GRIA4: variants seen among roughly 807,000 people sequenced by gnomAD.
GRIA4 encodes the protein glutamate ionotropic receptor AMPA type subunit 4.
In GRIA4, 34 loss-of-function variants were observed where a neutral mutation model predicts 104.0. The ratio of observed to expected loss-of-function variants is 0.33; its 90% CI spans 0.25 to 0.44. GRIA4 has a LOEUF of 0.44. Among genes scored for constraint, GRIA4 ranks in the 20% least tolerant of loss-of-function variants. The pLI is 1.00. For missense variants in GRIA4, 750 were observed against 1,096.5 expected (o/e 0.68, Z 4.46); for synonymous variants, 386 against 381.9 (o/e 1.01, Z -0.13).
chr11:105,808,577 C>T (rs1307232024), intron 4 of GRIA4, among the ~76,000 whole-genome samples: 1 of 151,842 alleles, frequency 6.6e-6, no homozygotes, highest in Non-Finnish European at 1.5e-5. Flanking sequence ...ATCCTCTTTC[C>T]CAAAAGTTGT....
chr11:105,920,939 G>C (rs1038216453), intron 11 of GRIA4, among the ~76,000 whole-genome samples: 3 of 151,974 alleles, frequency 2.0e-5, no homozygotes, highest in Non-Finnish European at 4.4e-5. Flanking sequence ...TTGTTTGTTT[G>C]TTTTCCTACT....
rs1045213891 is a variant in GRIA4 at position 105,709,070 on chromosome 11, T to C, written c.248-43911T>C. Among the ~76,000 whole-genome samples, 6 of 151,994 alleles carry C rather than the reference T, an allele frequency of 3.9e-5. No homozygotes were observed. The East Asian group carries it at 1.2e-3, about 29-fold the overall frequency. On this transcript the variant is annotated intron_variant, in intron 3 of 16. Transcript: ENST00000282499. ...CTGATTATATCTGAGGCAGGGAAAA[T>C]ATAAGATGATAAAGGACAATCTTGT... is the stretch of plus-strand genomic sequence containing the variant.
chr11:105,910,654 T>C, intron 10 of GRIA4, 109 bp downstream of exon 10: 1 of 645,680 alleles, frequency 1.5e-6, no homozygotes, highest in Non-Finnish European at 2.8e-6. Context: ...AATGGTGACA[T>C]GGGTGTTCTG....
intron 14 of GRIA4, among the ~76,000 whole-genome samples, chr11:105,967,779 G>A (rs745723645): frequency 6.6e-6 from 1 of 150,922 alleles, no homozygotes; most frequent in Non-Finnish European, 1.5e-5. Flanking sequence ...CACTCTAAAT[G>A]TTAATAATAC....
At chr11:105,907,886 G>C in intron 9 of GRIA4, among the ~76,000 whole-genome samples, 1 of 152,108 alleles carries the variant, frequency 6.6e-6, no homozygotes, top group African/African-American at 2.4e-5. Context: ...AGGTGGAGCT[G>C]CAGTAGAAAC....
intron 4 of GRIA4, among the ~76,000 whole-genome samples, chr11:105,772,931 G>A (rs1941276900): frequency 6.6e-6 from 1 of 152,036 alleles, no homozygotes; most frequent in Non-Finnish European, 1.5e-5. Flanking sequence ...AATAAGCTAA[G>A]CTTTAACTCA....
At chr11:105,788,185 T>C (rs1282443356) in intron 4 of GRIA4, among the ~76,000 whole-genome samples, 1 of 152,184 alleles carries the variant, frequency 6.6e-6, no homozygotes, top group African/African-American at 2.4e-5. Flanking sequence ...TAAAATGTTA[T>C]GTGATTGTTG....
intron 15 of GRIA4, among the ~76,000 whole-genome samples, chr11:105,972,721 A>G (rs1388596353): frequency 6.6e-6 from 1 of 152,192 alleles, no homozygotes; most frequent in Non-Finnish European, 1.5e-5. Flanking sequence ...TACAAATAAA[A>G]GTAATGGAAA....
intron 4 of GRIA4, among the ~76,000 whole-genome samples, chr11:105,819,004 A>T (rs1943483015): frequency 6.6e-6 from 1 of 152,304 alleles, no homozygotes; most frequent in Admixed American, 6.5e-5. Context: ...ACAATGGAAA[A>T]CAATTTTTCT....
At chr11:105,941,810 G>A (rs992256824) in intron 14 of GRIA4, among the ~76,000 whole-genome samples, 1 of 152,072 alleles carries the variant, frequency 6.6e-6, no homozygotes, top group Non-Finnish European at 1.5e-5. Context: ...ACTGGCAAGA[G>A]CTACCAACAG....
Position 105,662,544 on chromosome 11 carries a change from G to A in GRIA4, c.247+50110G>A, listed in dbSNP as rs117271714. On this transcript the variant is annotated intron_variant, in intron 3 of 16. Transcript: ENST00000282499. ...CAAGTTAGAGACGAAAAAGGAATCT[G>A]TCAAATCAGTAAGAAGAATCCATAG... 6.5e-3 allele frequency among the ~76,000 whole-genome samples: 993 copies of A among 151,910 alleles called. 9 individuals are homozygous for A. The highest frequency in any genetic ancestry group is 9.3e-3 in the Non-Finnish European group (630 of 67,866).
At chr11:105,796,466 T>C (rs1443385576) in intron 4 of GRIA4, among the ~76,000 whole-genome samples, 1 of 152,148 alleles carries the variant, frequency 6.6e-6, no homozygotes, top group Non-Finnish European at 1.5e-5. Context: ...GGATATAAAT[T>C]CTCATTTTAG....
chr11:105,627,891 G>T (rs774920897), intron 3 of GRIA4, among the ~76,000 whole-genome samples: 3 of 152,052 alleles, frequency 2.0e-5, no homozygotes, highest in Non-Finnish European at 4.4e-5. Context: ...AGCATCCGCC[G>T]CCTTTTTAAA....
At chr11:105,919,021 A>C (rs113350148) in intron 11 of GRIA4, 103 bp downstream of exon 11, 4 of 714,666 alleles carry the variant, frequency 5.6e-6, no homozygotes, top group Non-Finnish European at 1.0e-5. Flanking sequence ...TTTAATTTGC[A>C]GCAACATTCC....
At chr11:105,919,298 G>A (rs771174327) in intron 11 of GRIA4, among the ~76,000 whole-genome samples, 13 of 152,148 alleles carry the variant, frequency 8.5e-5, no homozygotes, top group Admixed American at 1.3e-4. Context: ...ACAATATAAA[G>A]ATGGTCATTA....
chr11:105,653,282 C>A (rs1951736039), intron 3 of GRIA4, among the ~76,000 whole-genome samples: 1 of 152,180 alleles, frequency 6.6e-6, no homozygotes, highest in African/African-American at 2.4e-5. Flanking sequence ...GCTTCTCTTT[C>A]ACATGAATTG....
In GRIA4 at chr11:105,753,064, A is replaced by C. The variant is rs1459411217; in HGVS notation, c.331A>C (p.Ser111Arg). The C allele has an allele frequency of 6.2e-7, 1 of 1,613,828 alleles. No homozygotes were observed. The highest frequency in any genetic ancestry group is 1.1e-5 in the South Asian group (1 of 91,076). ...RSVHTLTSFCSALHISLITPS... is the reference protein window; with the variant it reads ...RSVHTLTSFCRALHISLITPS... ...GGTACATACCTTGACCTCATTCTGC[A>C]GCGCCTTACATATCTCCCTCATCAC... The change falls in exon 4 of 17, where the codon AGC becomes CGC. Residue 111 changes from serine to arginine, a missense_variant. By Grantham distance (110) the Ser-to-Arg change is moderately radical. Coordinates refer to ENST00000282499, the MANE Select transcript of GRIA4 (RefSeq NM_000829.4).
chr11:105,946,117 C>T (rs1238427820), intron 14 of GRIA4, among the ~76,000 whole-genome samples: 2 of 152,092 alleles, frequency 1.3e-5, no homozygotes, highest in South Asian at 2.1e-4. Flanking sequence ...CATCATCTCT[C>T]CATGCTTATA....
chr11:105,781,524 C>T (rs537394977), intron 4 of GRIA4, among the ~76,000 whole-genome samples: 2 of 152,206 alleles, frequency 1.3e-5, no homozygotes, highest in South Asian at 2.1e-4. Flanking sequence ...TTTTGATTCA[C>T]AATTTCTGGG....
Sources: gnomAD v4.1 joint callset for allele counts (sites outside exome capture counted in the v4.1 genomes callset) on GRCh38, gnomAD v4.1.1 for gene constraint, MANE v1.5 for transcripts, NCBI Gene and HGNC (gene_info 2026-07-23, HGNC 2026-07-21) for gene names.